The following SYNE2 variants were observed in gnomAD, a reference collection of about 807,000 sequenced individuals.
The protein encoded by SYNE2 is nesprin-2.
In SYNE2, 431 loss-of-function variants were observed where a neutral mutation model predicts 856.3. The ratio of observed to expected loss-of-function variants is 0.50; its 90% confidence interval spans 0.47 to 0.55. The LOEUF is 0.55. SYNE2 is among the 20% of genes least tolerant of loss of function. SYNE2 has a pLI of 0.00. For synonymous variants in SYNE2, 2,923 were observed against 2,872.3 expected, an observed-to-expected ratio of 1.02 and a Z score of -0.56; for missense variants, 8,129 against 8,023.2, an observed-to-expected ratio of 1.01 and a Z score of -0.50.
intron 18 of SYNE2, among the ~76,000 whole-genome samples, chr14:63,984,250 AAG>A (rs1305465589): frequency 6.6e-6 from 1 of 152,226 alleles, no homozygotes; most frequent in Non-Finnish European, 1.5e-5. Context: ...GTCTCAAAAA[AAG>A]AAAGAAAAGA....
intron 6 of SYNE2, among the ~76,000 whole-genome samples, chr14:63,948,798 ATATATATATATATATATATATATATG>A (rs1384989011): frequency 1.1e-5 from 1 of 88,322 alleles, no homozygotes; most frequent in South Asian, 3.9e-4. Context: ...ATATATATAT[ATATATATATATATATATATATATATG>A]TAGCTTAATT....
chr14:63,877,705 G>A (rs2094758816), intron 1 of SYNE2, among the ~76,000 whole-genome samples: 1 of 152,202 alleles, frequency 6.6e-6, no homozygotes, highest in African/African-American at 2.4e-5. Flanking sequence ...GGGGATCAAA[G>A]CGGCGTTATC....
At chr14:64,044,151 C>T (rs1000341789) in intron 45 of SYNE2, among the ~76,000 whole-genome samples, 5 of 152,202 alleles carry the variant, frequency 3.3e-5, no homozygotes, top group Admixed American at 6.5e-5. Context: ...CCCTGCAAAG[C>T]CACAGGTGCA....
chr14:63,981,012 C>T lies in SYNE2; in HGVS notation c.1675C>T (p.Gln559Ter). The stretch of plus-strand genomic sequence containing the variant: ...TGGAGAATGTCAGAATATTAATAAA[C>T]AGTATATGATGGTGAAATCTGATGT... The part of the protein sequence containing the change: ...LAGECQNINK[Q>*]YMMVKSDVCM... Residue 559 changes from glutamine (Q) to a stop codon, truncating the protein, a stop_gained, in exon 16 of 116, where the codon CAG (glutamine) becomes TAG (stop). Transcript: ENST00000555002. LOFTEE classifies it high-confidence loss of function. 6.4e-7 allele frequency: 1 copy of T among 1,565,500 alleles called. No individual in the cohort carries two copies. Among genetic ancestry groups the T allele is most frequent in the Non-Finnish European group, 8.8e-7 (1 of 1,140,228 alleles).
At chr14:64,126,223 G>C in intron 71 of SYNE2, 104 bp from the exon 72 acceptor site, 3 of 1,000,348 alleles carry the variant, frequency 3.0e-6, no homozygotes, top group Non-Finnish European at 4.6e-6. Context: ...TATTACAAAA[G>C]AAGCATAACA....
intron 11 of SYNE2, among the ~76,000 whole-genome samples, chr14:63,974,892 G>GTGTGTGTGTGTGTGTGTATATA: frequency 1.5e-5 from 1 of 67,330 alleles, no homozygotes; most frequent in East Asian, 4.6e-4. Context: ...GTGTGTGTGT[G>GTGTGTGTGTGTGTGTGTATATA]TATATATATA....
intron 31 of SYNE2, among the ~76,000 whole-genome samples, chr14:64,008,994 A>G (rs2096822740): frequency 6.6e-6 from 1 of 151,710 alleles, no homozygotes; most frequent in Admixed American, 6.6e-5. Context: ...ATTTGGGTAC[A>G]CCTCCTGTTT....
chr14:63,852,015 G>A (rs1261161372), upstream of SYNE2, among the ~76,000 whole-genome samples: 3 of 94,176 alleles, frequency 3.2e-5, no homozygotes, highest in Non-Finnish European at 6.8e-5. Context: ...TGAAATGGGG[G>A]GGGGGGGTTG....
chr14:64,171,786 C>T (rs2098412159), intron 94 of SYNE2, among the ~76,000 whole-genome samples: 1 of 152,174 alleles, frequency 6.6e-6, no homozygotes, highest in South Asian at 2.1e-4. Context: ...ATTACCTGGT[C>T]TGGCTGGAAC....
At chr14:63,791,304 C>T (rs1271208544) in intron 1 of SYNE2, among the ~76,000 whole-genome samples, 1 of 152,062 alleles carries the variant, frequency 6.6e-6, no homozygotes, top group African/African-American at 2.4e-5. Flanking sequence ...GAAATTGATC[C>T]TCCTCATTAC....
chr14:63,818,042 A>T (rs1889069471), intron 1 of SYNE2, among the ~76,000 whole-genome samples: 1 of 148,586 alleles, frequency 6.7e-6, no homozygotes, highest in East Asian at 2.0e-4. Flanking sequence ...AAAAAAAAAA[A>T]AAAACAAATA....
At chr14:63,933,927 C>T (rs533100669) in intron 2 of SYNE2, among the ~76,000 whole-genome samples, 27 of 152,254 alleles carry the variant, frequency 1.8e-4, no homozygotes, top group African/African-American at 5.8e-4. Context: ...AGCTATTTGG[C>T]GCTGGTTCCC....
At chr14:64,064,272 C>T (rs1390062882) in intron 50 of SYNE2, among the ~76,000 whole-genome samples, 3 of 152,172 alleles carry the variant, frequency 2.0e-5, no homozygotes, top group Non-Finnish European at 2.9e-5. Flanking sequence ...CCAAATGACG[C>T]GTAGGTGGGG....
In SYNE2 at chr14:64,202,797, G is replaced by T; in HGVS notation, c.18039-4G>T. ...TCGTTTTGTTTTTCTGCAAATATGT[G>T]TAGGGTGAAGAAGCTGAAGGAGACC... On this transcript the variant is annotated splice_region_variant and splice_polypyrimidine_tract_variant and intron_variant, in intron 99 of 115. Coordinates refer to ENST00000555002, the MANE Select transcript of SYNE2 (RefSeq NM_182914.3). 1 of 1,614,096 alleles carries T rather than the reference G, an allele frequency of 6.2e-7. No individual in the cohort carries two copies. Among genetic ancestry groups the T allele is most frequent in the Non-Finnish European group, 8.5e-7 (1 of 1,180,022 alleles).
rs79566560 is a variant in SYNE2 at position 64,093,193 on chromosome 14, C to T, written c.11977-156C>T. 5.4e-3 allele frequency among the ~76,000 whole-genome samples: 822 copies of T among 152,298 alleles called. 10 individuals are homozygous for T. The highest frequency in any genetic ancestry group is 0.019 in the African/African-American group (801 of 41,554). On this transcript the variant is annotated intron_variant, in intron 60 of 115. Transcript: ENST00000555002. ...ATCAGGTGTCAGCTTTGCAAACATT[C>T]TTCTCTCTGTTTAGGCTACCACGTC...
intron 80 of SYNE2, among the ~76,000 whole-genome samples, chr14:64,140,468 G>A (rs1308212116): frequency 6.6e-6 from 1 of 152,162 alleles, no homozygotes; most frequent in African/African-American, 2.4e-5. Flanking sequence ...TGTAATCCCA[G>A]CTCCTCGGGA....
chr14:64,115,152 G>A (rs561792065), intron 66 of SYNE2, among the ~76,000 whole-genome samples: 4 of 152,300 alleles, frequency 2.6e-5, no homozygotes, highest in African/African-American at 7.2e-5. Flanking sequence ...ATGCCAACTC[G>A]TTGATTATCA....
Position 64,198,728 on chromosome 14 carries a change from C to G in SYNE2, c.18039-4073C>G, listed in dbSNP as rs921995511. On this transcript the variant is annotated intron_variant, in intron 99 of 115. Coordinates refer to ENST00000555002, the MANE Select transcript of SYNE2 (RefSeq NM_182914.3). ...CCTGTGTGAAACCAGGGCTGAGGAGCACGAGTGGCTCCTAGGCTGGCAGCA... is the reference window on the plus strand; with the variant it reads ...CCTGTGTGAAACCAGGGCTGAGGAGGACGAGTGGCTCCTAGGCTGGCAGCA... Among the ~76,000 whole-genome samples the G allele has an allele frequency of 4.6e-5, 7 of 152,284 alleles. 1 individual carries two copies. Among genetic ancestry groups the G allele is most frequent in the Middle Eastern group, 6.8e-3 (2 of 294 alleles).
chr14:63,978,212 T>C (rs142310681), intron 13 of SYNE2, among the ~76,000 whole-genome samples, 195 bp downstream of exon 13: 1 of 152,330 alleles, frequency 6.6e-6, no homozygotes, highest in East Asian at 1.9e-4. Context: ...CCTTTTTTAT[T>C]GAATGGTAGA....
Sources: allele counts gnomAD v4.1 joint callset (sites outside exome capture counted in the v4.1 genomes callset), GRCh38; gene constraint gnomAD v4.1.1; transcripts MANE v1.5; gene names NCBI Gene and HGNC (gene_info 2026-07-23, HGNC 2026-07-21).